The following GRID2 variants were observed in gnomAD, a reference collection of about 807,000 sequenced individuals.
The protein encoded by GRID2 is glutamate receptor ionotropic, delta-2.
GRID2 carries 33 observed loss-of-function variants against 114.8 expected under a neutral mutation model. The ratio of observed to expected loss-of-function variants is 0.29; its 90% CI spans 0.22 to 0.38. The LOEUF is 0.38. Ranked by LOEUF, GRID2 falls within the 10% of genes least tolerant of loss-of-function variation. The probability of loss-of-function intolerance (pLI) is 1.00; values close to 1 mark genes in which losing one functional copy is unlikely to be tolerated. For missense variants in GRID2, 1,184 were observed against 1,257.7 expected, an observed-to-expected ratio of 0.94 and a Z score of 0.89; for synonymous variants, 505 against 449.9, an observed-to-expected ratio of 1.12 and a Z score of -1.55.
intron 4 of GRID2, among the ~76,000 whole-genome samples, chr4:93,169,055 A>G (rs1038724860): frequency 6.6e-6 from 1 of 151,954 alleles, no homozygotes; most frequent in African/African-American, 2.4e-5. Flanking sequence ...ACTATTTTTT[A>G]AAAAACAGTG....
At chr4:93,743,851 C>T (rs1731615951) in intron 14 of GRID2, among the ~76,000 whole-genome samples, 1 of 152,182 alleles carries the variant, frequency 6.6e-6, no homozygotes, top group Admixed American at 6.5e-5. Context: ...GAGGAAGATG[C>T]TGTCTATCAC....
intron 2 of GRID2, among the ~76,000 whole-genome samples, chr4:93,038,561 C>A (rs558513118): frequency 6.6e-6 from 1 of 152,012 alleles, no homozygotes; most frequent in Non-Finnish European, 1.5e-5. Context: ...GAGGCCGAGG[C>A]GGGTGGATCA....
At chr4:93,058,604 CTGT>C (rs1362977115) in intron 2 of GRID2, among the ~76,000 whole-genome samples, 1 of 151,876 alleles carries the variant, frequency 6.6e-6, no homozygotes, top group Non-Finnish European at 1.5e-5. Flanking sequence ...GCTTAAATCA[CTGT>C]TTAAGGTAGA....
At chr4:92,754,559 G>T (rs1019304861) in intron 2 of GRID2, among the ~76,000 whole-genome samples, 1 of 152,156 alleles carries the variant, frequency 6.6e-6, no homozygotes, top group African/African-American at 2.4e-5. Flanking sequence ...CCGTGGTGTT[G>T]TGGGGATTAA....
intron 14 of GRID2, among the ~76,000 whole-genome samples, chr4:93,764,739 C>G (rs1309631176): frequency 2.0e-5 from 3 of 152,090 alleles, no homozygotes; most frequent in African/African-American, 2.4e-5. Context: ...TATTTACAGC[C>G]CCACAAAGTC....
intron 13 of GRID2, among the ~76,000 whole-genome samples, chr4:93,516,069 TCTGA>T (rs1455269703): frequency 1.3e-5 from 2 of 152,262 alleles, no homozygotes; most frequent in East Asian, 1.9e-4. Context: ...CTATGAGAGA[TCTGA>T]CTGTTTTTTC....
chr4:93,802,179 C>T (rs1734944732), intron 1 of GRID2, among the ~76,000 whole-genome samples: 1 of 152,194 alleles, frequency 6.6e-6, no homozygotes, highest in Admixed American at 6.5e-5. Flanking sequence ...AAAAAAGAAA[C>T]TCAAGTAGGC....
At chr4:93,216,612 C>G in intron 5 of GRID2, 126 bp from the exon 6 acceptor site, 1 of 638,332 alleles carries the variant, frequency 1.6e-6, no homozygotes, top group East Asian at 2.6e-5. Flanking sequence ...TAGATATGCA[C>G]TAAGCATTAA....
At chr4:93,216,568 T>A (rs1335509515) in intron 5 of GRID2, among the ~76,000 whole-genome samples, 170 bp from the exon 6 acceptor site, 1 of 152,118 alleles carries the variant, frequency 6.6e-6, no homozygotes, top group Non-Finnish European at 1.5e-5. Flanking sequence ...TACAAATGAG[T>A]TGATAATTTT....
At chr4:93,373,858 T>C (rs769624103) in intron 8 of GRID2, among the ~76,000 whole-genome samples, 7 of 152,202 alleles carry the variant, frequency 4.6e-5, no homozygotes, top group South Asian at 2.1e-4. Context: ...GCTGCTACAG[T>C]ATGTAGCAAG....
At chr4:93,087,231 G>T (rs1253020915) in intron 3 of GRID2, among the ~76,000 whole-genome samples, 1 of 151,486 alleles carries the variant, frequency 6.6e-6, no homozygotes, top group Non-Finnish European at 1.5e-5. Context: ...TAGTAGAGAT[G>T]GGGTTTCAAC....
chr4:93,460,764 A>G (rs969156542), intron 11 of GRID2, among the ~76,000 whole-genome samples: 2 of 152,168 alleles, frequency 1.3e-5, no homozygotes, highest in Admixed American at 6.5e-5. Flanking sequence ...GTTAGCTGCA[A>G]TATTTTGTTT....
chr4:92,539,266 AG>A (rs146810861), intron 1 of GRID2, among the ~76,000 whole-genome samples: 1 of 152,262 alleles, frequency 6.6e-6, no homozygotes, highest in Non-Finnish European at 1.5e-5. Flanking sequence ...GAAACTAATG[AG>A]TGTTTAACTA....
intron 1 of GRID2, among the ~76,000 whole-genome samples, chr4:92,315,468 A>T: frequency 6.6e-6 from 1 of 152,306 alleles, no homozygotes; most frequent in East Asian, 1.9e-4. Context: ...TCTATTTACT[A>T]GTTCATAGCT....
At chr4:93,665,362 T>C (rs1404662462) in intron 14 of GRID2, among the ~76,000 whole-genome samples, 1 of 152,230 alleles carries the variant, frequency 6.6e-6, no homozygotes, top group Non-Finnish European at 1.5e-5. Flanking sequence ...AATTACTAAT[T>C]CATACTCTCC....
intron 2 of GRID2, among the ~76,000 whole-genome samples, chr4:93,006,840 AACAG>A (rs765423891): frequency 2.0e-4 from 31 of 151,856 alleles, no homozygotes; most frequent in East Asian, 7.8e-4. Flanking sequence ...AAGAAAAAAA[AACAG>A]ACAGCAAAAA....
intron 2 of GRID2, among the ~76,000 whole-genome samples, chr4:92,888,548 T>C (rs1746529131): frequency 6.6e-6 from 1 of 152,030 alleles, no homozygotes; most frequent in Non-Finnish European, 1.5e-5. Context: ...ATTGTGGCGC[T>C]GGGGGGATGA....
intron 1 of GRID2, among the ~76,000 whole-genome samples, chr4:92,415,522 G>A (rs919675233): frequency 7.9e-5 from 12 of 151,360 alleles, no homozygotes; most frequent in Non-Finnish European, 1.6e-4. Flanking sequence ...TTTAGGTTTA[G>A]CATCCTCATA....
chr4:93,194,219 G>T (rs1741263585), intron 4 of GRID2, among the ~76,000 whole-genome samples: 2 of 152,028 alleles, frequency 1.3e-5, no homozygotes, highest in Admixed American at 6.6e-5. Context: ...AACAAAACAT[G>T]GTAGTGGAAA....
Sources: allele counts gnomAD v4.1 joint callset (sites outside exome capture counted in the v4.1 genomes callset), GRCh38; gene constraint gnomAD v4.1.1; transcripts MANE v1.5; gene names NCBI Gene and HGNC (gene_info 2026-07-23, HGNC 2026-07-21).